The following PCSK2 variants were observed in gnomAD, a reference collection of about 807,000 sequenced individuals.
PCSK2 encodes the protein proprotein convertase subtilisin/kexin type 2, also known as neuroendocrine convertase 2.
PCSK2 carries 14 observed loss-of-function variants against 69.7 expected under a neutral mutation model. That is an observed-to-expected ratio of 0.20 (90% CI 0.13 to 0.31). The LOEUF (loss-of-function observed/expected upper bound fraction) is 0.31. PCSK2 is among the 10% of genes least tolerant of loss of function. The pLI, the probability that PCSK2 is intolerant of heterozygous loss-of-function variation, is 1.00. For synonymous variants in PCSK2, 307 were observed against 320.7 expected, an observed-to-expected ratio of 0.96 and a Z score of 0.46; for missense variants, 544 against 842.5, an observed-to-expected ratio of 0.65 and a Z score of 4.39.
intron 2 of PCSK2, among the ~76,000 whole-genome samples, chr20:17,266,879 T>A (rs550891346): frequency 5.3e-5 from 8 of 152,222 alleles, no homozygotes; most frequent in African/African-American, 1.9e-4. Context: ...CCAAAGGCAA[T>A]TCTCAGTGAA....
rs886316255 is a variant in PCSK2, at chr20:17,372,624, C to G, written c.543+3347C>G. ...CAAAACTGCGCATCTTGATAACTTT[C>G]ATTCAGAGCAAAGTCTGAGTCTTCA... On this transcript the variant is annotated intron_variant, in intron 5 of 11. Transcript: ENST00000262545. 2.0e-5 allele frequency among the ~76,000 whole-genome samples: 3 copies of G among 152,254 alleles called. No homozygotes were observed. In the South Asian group the frequency reaches 6.2e-4, roughly 32 times the overall value.
chr20:17,228,425 A>G (rs115030223), intron 1 of PCSK2: 2,521 of 153,176 alleles, frequency 0.016, 77 homozygotes, highest in African/African-American at 0.058. Context: ...TCTCCTGCAA[A>G]AGATGTATCA....
chr20:17,347,851 A>AG (rs1491427259), intron 2 of PCSK2, among the ~76,000 whole-genome samples: 1 of 131,986 alleles, frequency 7.6e-6, no homozygotes, highest in African/African-American at 2.8e-5. Flanking sequence ...AAAGAAAGAA[A>AG]GAAAGAAAGA....
At chr20:17,374,030 G>T (rs758247095) in intron 5 of PCSK2, among the ~76,000 whole-genome samples, 1 of 152,254 alleles carries the variant, frequency 6.6e-6, no homozygotes, top group Non-Finnish European at 1.5e-5. Flanking sequence ...CACGAAATGA[G>T]TATTAGCCAA....
intron 5 of PCSK2, among the ~76,000 whole-genome samples, chr20:17,371,001 T>A (rs1434675065): frequency 6.6e-6 from 1 of 152,184 alleles, no homozygotes; most frequent in African/African-American, 2.4e-5. Context: ...ATTGATATTC[T>A]CCACAGTTCC....
At chr20:17,436,602 A>T in intron 7 of PCSK2, 106 bp from the exon 8 acceptor site, 1 of 917,152 alleles carries the variant, frequency 1.1e-6, no homozygotes, top group Non-Finnish European at 1.7e-6. Flanking sequence ...AGCACCTGAG[A>T]TCTCCAACCA....
At chr20:17,259,678 G>A (rs770889405) in intron 1 of PCSK2, among the ~76,000 whole-genome samples, 20 of 152,318 alleles carry the variant, frequency 1.3e-4, no homozygotes, top group Non-Finnish European at 2.2e-4. Context: ...TAGGAAGGTA[G>A]AGGGAAACCA....
chr20:17,394,637 C>G (rs2031468341), intron 5 of PCSK2, among the ~76,000 whole-genome samples: 1 of 152,174 alleles, frequency 6.6e-6, no homozygotes, highest in Non-Finnish European at 1.5e-5. Flanking sequence ...AGGGACGTGT[C>G]ATCTCCAAAA....
At chr20:17,437,091 G>T (rs904132816) in intron 8 of PCSK2, among the ~76,000 whole-genome samples, 2 of 151,912 alleles carry the variant, frequency 1.3e-5, no homozygotes, top group African/African-American at 2.4e-5. Flanking sequence ...AGCCTCAGAC[G>T]CGATGCCTAC....
intron 6 of PCSK2, among the ~76,000 whole-genome samples, chr20:17,410,791 G>T (rs994031353): frequency 5.9e-5 from 9 of 152,228 alleles, no homozygotes; most frequent in Non-Finnish European, 1.0e-4. Context: ...TTAAGCTGGG[G>T]TTTAGACAGA....
chr20:17,366,308 T>A (rs1164334446), intron 4 of PCSK2, among the ~76,000 whole-genome samples: 1 of 152,198 alleles, frequency 6.6e-6, no homozygotes, highest in Non-Finnish European at 1.5e-5. Context: ...AAATTGATGA[T>A]AGGATACTAA....
chr20:17,376,264 C>CA (rs1313805712), intron 5 of PCSK2, among the ~76,000 whole-genome samples: 1 of 152,034 alleles, frequency 6.6e-6, no homozygotes, highest in East Asian at 1.9e-4. Context: ...GCAAGCCAGC[C>CA]AAGCTCAGCA....
At chr20:17,447,355 GC>G (rs2032719538) in intron 8 of PCSK2, among the ~76,000 whole-genome samples, 1 of 150,360 alleles carries the variant, frequency 6.7e-6, no homozygotes, top group African/African-American at 2.4e-5. Flanking sequence ...AAATAATAAA[GC>G]AAGAATACAA....
At position 17,456,417 on chromosome 20, in the gene PCSK2, G is replaced by C; in HGVS notation, c.1171G>C (p.Ala391Pro). 1 of 1,611,138 alleles carries C rather than the reference G, an allele frequency of 6.2e-7. No homozygotes were observed. Among genetic ancestry groups the C allele is most frequent in the Non-Finnish European group, 8.5e-7 (1 of 1,177,236 alleles). The part of the protein sequence containing the change: ...SGTSAAAPEA[A>P]GVFALALEAN... ...GACATCTGCAGCTGCCCCCGAGGCAGCTGGTGTGTTTGCACTGGCTCTGGA... is the reference window on the plus strand; with the variant it reads ...GACATCTGCAGCTGCCCCCGAGGCACCTGGTGTGTTTGCACTGGCTCTGGA... The change falls in exon 10 of 12, where the codon GCT (alanine) becomes CCT (proline). Residue 391 changes from alanine to proline, a missense_variant. Around this residue, in one of 3 missense-constraint regions of PCSK2, gnomAD observed 187 missense variants for 399.8 expected, o/e 0.47. Transcript: ENST00000262545.
chr20:17,275,267 T>C (rs1299336198), intron 2 of PCSK2, among the ~76,000 whole-genome samples: 1 of 151,992 alleles, frequency 6.6e-6, no homozygotes, highest in Admixed American at 6.6e-5. Flanking sequence ...AAGCAATGCA[T>C]CCCTTTTGGT....
At chr20:17,248,804 A>C (rs1003039244) in intron 1 of PCSK2, among the ~76,000 whole-genome samples, 6 of 152,174 alleles carry the variant, frequency 3.9e-5, no homozygotes, top group Non-Finnish European at 5.9e-5. Flanking sequence ...AGTCCCACTC[A>C]TCTCCATCAG....
At chr20:17,440,500 G>A (rs993283938) in intron 8 of PCSK2, among the ~76,000 whole-genome samples, 24 of 152,176 alleles carry the variant, frequency 1.6e-4, no homozygotes, top group Admixed American at 6.5e-4. Flanking sequence ...TGAGCCACAC[G>A]CCATTTGTCT....
At chr20:17,313,658 G>A (rs774603692) in intron 2 of PCSK2, among the ~76,000 whole-genome samples, 3 of 152,132 alleles carry the variant, frequency 2.0e-5, no homozygotes, top group African/African-American at 4.8e-5. Flanking sequence ...AGAGGGCAGA[G>A]GCCTCCAAAG....
At chr20:17,244,469 A>G (rs1310177296) in intron 1 of PCSK2, among the ~76,000 whole-genome samples, 2 of 152,202 alleles carry the variant, frequency 1.3e-5, no homozygotes, top group Non-Finnish European at 2.9e-5. Context: ...TATGTAATCC[A>G]GATGTCAACT....
Sources: gnomAD v4.1 joint callset for allele counts (sites outside exome capture counted in the v4.1 genomes callset) on GRCh38, gnomAD v4.1.1 for gene constraint, gnomAD v4.1.1 regional missense constraint, MANE v1.5 for transcripts, NCBI Gene and HGNC (gene_info 2026-07-23, HGNC 2026-07-21) for gene names.